HSPA12B: variants seen among roughly 807,000 people sequenced by gnomAD.
HSPA12B encodes the protein heat shock 70 kDa protein 12B.
HSPA12B carries 54 observed loss-of-function variants against 69.3 expected under a neutral mutation model. That is an observed-to-expected ratio of 0.78 (90% CI 0.63 to 0.98). HSPA12B has a LOEUF of 0.98. Among genes scored for constraint, HSPA12B ranks in the 50% least tolerant of loss-of-function variants. HSPA12B has a pLI of 0.00. For missense variants in HSPA12B, 929 were observed against 999.8 expected (o/e 0.93, Z 0.96); for synonymous variants, 441 against 436.5 (o/e 1.01, Z -0.13).
In HSPA12B at chr20:3,749,345, A is replaced by G; in HGVS notation, c.937+27A>G. ...TAGGGGGAAAGGGGGACGGAGTGTT[A>G]TCCTTGGCCCCTACCGGGCACCATA... On this transcript the variant is annotated intron_variant, in intron 9 of 12. Transcript: ENST00000254963. The surrounding 1 kb of genome is among the most constrained non-coding windows in gnomAD (Gnocchi z 5.5). 6.3e-7 allele frequency: 1 copy of G among 1,595,186 alleles called. No individual in the cohort carries two copies. The highest frequency in any genetic ancestry group is 8.6e-7 in the Non-Finnish European group (1 of 1,165,268).
chr20:3,745,476 C>T lies in HSPA12B; in HGVS notation c.454-17C>T. Reference sequence around the variant, plus strand: ...CAAGCTGAGGCCTCCTGCAGAGCCGCCCTGTGTCCCTGCCAGGATCTCACC... The same window carrying T: ...CAAGCTGAGGCCTCCTGCAGAGCCGTCCTGTGTCCCTGCCAGGATCTCACC... On this transcript the variant is annotated splice_polypyrimidine_tract_variant and intron_variant, in intron 5 of 12. Transcript: ENST00000254963. The surrounding 1 kb of genome is among the most constrained non-coding windows in gnomAD (Gnocchi z 5.6). The T allele has an allele frequency of 6.3e-7, 1 of 1,597,890 alleles. No individual in the cohort carries two copies. Among genetic ancestry groups the T allele is most frequent in the Non-Finnish European group, 8.6e-7 (1 of 1,165,280 alleles).
In HSPA12B at chr20:3,751,570, T is replaced by A; in HGVS notation, c.1465T>A (p.Phe489Ile). The part of the protein sequence containing the change: ...GVKLLFLVGG[F>I]AESAVLQHAV... Reference sequence around the variant, plus strand: ...GAAGCTGCTGTTCCTAGTGGGCGGCTTCGCCGAGTCAGCGGTGCTGCAGCA... The same window carrying A: ...GAAGCTGCTGTTCCTAGTGGGCGGCATCGCCGAGTCAGCGGTGCTGCAGCA... The change falls in exon 13 of 13, where the codon TTC becomes ATC. Residue 489 changes from phenylalanine to isoleucine, a missense_variant. This residue lies in a region of HSPA12B where 448 missense variants were observed against 448.1 expected (regional missense o/e 1.00). Transcript: ENST00000254963. 6.7e-7 allele frequency: 1 copy of A among 1,496,836 alleles called. No homozygotes were observed. The highest frequency in any genetic ancestry group is 8.9e-7 in the Non-Finnish European group (1 of 1,125,470). The allele number at this position is 1,496,836 out of a possible 1,614,324, so 92.7% of individuals were successfully genotyped here. A position where few individuals can be genotyped will look rare whatever the true frequency, so the allele number is the denominator to read the frequency against.
At chr20:3,739,241 T>A (rs970426961) in intron 2 of HSPA12B, among the ~76,000 whole-genome samples, 5 of 149,898 alleles carry the variant, frequency 3.3e-5, no homozygotes, top group Non-Finnish European at 7.4e-5. Flanking sequence ...TGTTTGAATG[T>A]CCATGTGTTT....
Position 3,749,835 on chromosome 20 carries a change from G to A in HSPA12B, c.1023G>A (p.Lys341=), listed in dbSNP as rs768384882. ...HQLEQPHGTL[K]ELYKASGGPY... Reference sequence around the variant, plus strand: ...TGGAGCAGCCCCATGGCACCCTCAAGGAGCTCTACAAGGCATCTGGTGAGT... The same window carrying A: ...TGGAGCAGCCCCATGGCACCCTCAAAGAGCTCTACAAGGCATCTGGTGAGT... The change falls in exon 10 of 13, where the codon AAG becomes AAA. Residue 341 remains lysine (K), a synonymous_variant. Coordinates refer to ENST00000254963, the MANE Select transcript of HSPA12B (RefSeq NM_052970.5). This position sits in a 1 kb window ranked among gnomAD's most constrained non-coding sequence, Gnocchi z 5.5. 58 of 1,608,340 alleles carry A rather than the reference G, an allele frequency of 3.6e-5. 3 individuals are homozygous for A. The Middle Eastern group carries it at 5.1e-4, about 14-fold the overall frequency.
At chr20:3,746,448 GC>G (rs2088307142) in intron 7 of HSPA12B, among the ~76,000 whole-genome samples, 1 of 151,880 alleles carries the variant, frequency 6.6e-6, no homozygotes, top group Admixed American at 6.6e-5. Context: ...GACTACAGGT[GC>G]CCGCCACCAC....
intron 1 of HSPA12B, among the ~76,000 whole-genome samples, chr20:3,734,298 C>T (rs914591812): frequency 2.0e-5 from 3 of 152,286 alleles, no homozygotes; most frequent in South Asian, 2.1e-4. Context: ...AGTGACTAAT[C>T]GGCCCTGCCT....
chr20:3,747,797 C>T (rs918077491), intron 7 of HSPA12B, among the ~76,000 whole-genome samples: 3 of 152,254 alleles, frequency 2.0e-5, no homozygotes, highest in South Asian at 4.1e-4. Flanking sequence ...TCCCCACCAC[C>T]TCCTCTGAGC....
intron 12 of HSPA12B, 56 bp from the exon 13 acceptor site, chr20:3,751,455 C>T (rs1479946564): frequency 1.5e-6 from 2 of 1,367,890 alleles, no homozygotes; most frequent in Non-Finnish European, 1.9e-6. Flanking sequence ...GGCTCTCTCT[C>T]CCCCGCCCCT....
intron 1 of HSPA12B, among the ~76,000 whole-genome samples, chr20:3,736,838 T>C (rs1481096593): frequency 6.6e-6 from 1 of 151,924 alleles, no homozygotes; most frequent in African/African-American, 2.4e-5. Flanking sequence ...GCCTGGCCAA[T>C]ATGGTGAAAC....
Position 3,737,322 on chromosome 20 carries a change from C to T in HSPA12B, c.-17-1336C>T, listed in dbSNP as rs1341922806. Among the ~76,000 whole-genome samples, 5 of 152,262 alleles carry T rather than the reference C, an allele frequency of 3.3e-5. 1 individual carries two copies. Among genetic ancestry groups the T allele is most frequent in the African/African-American group, 1.2e-4 (5 of 41,550 alleles). On this transcript the variant is annotated intron_variant, in intron 1 of 12. Coordinates refer to ENST00000254963, the MANE Select transcript of HSPA12B (RefSeq NM_052970.5). This position sits in a 1 kb window ranked among gnomAD's most constrained non-coding sequence, Gnocchi z 4.1. ...CTTAGAAAATAAATATTCTTCCTCACCTCCCTTCAGCTTTAGCGCCCTCCA... is the reference window on the plus strand; with the variant it reads ...CTTAGAAAATAAATATTCTTCCTCATCTCCCTTCAGCTTTAGCGCCCTCCA...
Position 3,744,758 on chromosome 20 carries a change from G to A in HSPA12B, c.267-144G>A, listed in dbSNP as rs984879354. 4.5e-6 allele frequency: 3 copies of A among 672,576 alleles called. No individual in the cohort carries two copies. In the African/African-American group the frequency reaches 5.4e-5, roughly 12 times the overall value. 41.7% of individuals were successfully genotyped at this position (672,576 alleles called of 1,614,324 possible). A position where few individuals can be genotyped will look rare whatever the true frequency, so the allele number is the denominator to read the frequency against. The stretch of plus-strand genomic sequence containing the variant: ...CATGATCTCACCTTAGCATTCTTGT[G>A]TTTTCTCCTGCTGCCTATGGAGCCG... On this transcript the variant is annotated intron_variant, in intron 4 of 12. Coordinates refer to ENST00000254963, the MANE Select transcript of HSPA12B (RefSeq NM_052970.5). This position sits in a 1 kb window ranked among gnomAD's most constrained non-coding sequence, Gnocchi z 4.9.
chr20:3,750,549 C>T (rs1040343759), intron 11 of HSPA12B: 10 of 537,512 alleles, frequency 1.9e-5, no homozygotes, highest in African/African-American at 4.1e-5. Context: ...TTTCCCTGCA[C>T]CAAAGCAAGG....
At chr20:3,748,091 A>C in intron 7 of HSPA12B, 126 bp from the exon 8 acceptor site, 1 of 871,246 alleles carries the variant, frequency 1.1e-6, no homozygotes, top group South Asian at 2.3e-5. Context: ...TGAGAGGCCT[A>C]ACATGGGTGG....
At chr20:3,734,162 T>C (rs2146548281) in intron 1 of HSPA12B, among the ~76,000 whole-genome samples, 1 of 152,276 alleles carries the variant, frequency 6.6e-6, no homozygotes, top group Admixed American at 6.5e-5. Flanking sequence ...AGCAAGACCC[T>C]GTCTCAAAAA....
intron 1 of HSPA12B, among the ~76,000 whole-genome samples, chr20:3,736,092 T>C (rs993143827): frequency 6.6e-6 from 1 of 152,174 alleles, no homozygotes; most frequent in African/African-American, 2.4e-5. Flanking sequence ...AAGCTACCAA[T>C]GTGATGTCAT....
At position 3,750,787 on chromosome 20, in the gene HSPA12B, C is replaced by T; in HGVS notation, c.1302-17C>T. 2 of 1,613,614 alleles carry T rather than the reference C, an allele frequency of 1.2e-6. No homozygotes were observed. Among genetic ancestry groups the T allele is most frequent in the Non-Finnish European group, 1.7e-6 (2 of 1,179,874 alleles). ...GGGCCCTGACCGATGGATATTTGCC[C>T]CTTTCACCACCAACAGCGTGAACTT... is the stretch of plus-strand genomic sequence containing the variant. On this transcript the variant is annotated splice_polypyrimidine_tract_variant and intron_variant, in intron 11 of 12. Coordinates refer to ENST00000254963, the MANE Select transcript of HSPA12B (RefSeq NM_052970.5).
chr20:3,741,570 T>G (rs1030108807), intron 3 of HSPA12B, among the ~76,000 whole-genome samples: 1 of 152,084 alleles, frequency 6.6e-6, no homozygotes, highest in East Asian at 1.9e-4. Context: ...GAAGCGGAGG[T>G]TGCAGTTAGC....
rs1434407656 is a variant in HSPA12B at position 3,732,698 on chromosome 20, C to A, written c.-114C>A. On this transcript the variant is annotated 5_prime_UTR_variant, in exon 1 of 13. Coordinates refer to ENST00000254963, the MANE Select transcript of HSPA12B (RefSeq NM_052970.5). ...GCGGGAGGCCTCAGGGCCGGGCGCACGTCGAGGGCTGCGGCCGCCGCAGCG... is the reference window on the plus strand; with the variant it reads ...GCGGGAGGCCTCAGGGCCGGGCGCAAGTCGAGGGCTGCGGCCGCCGCAGCG... 2.0e-5 allele frequency: 3 copies of A among 151,218 alleles called. No homozygotes were observed. Among genetic ancestry groups the A allele is most frequent in the Non-Finnish European group, 3.0e-5 (2 of 67,588 alleles). 9.4% of individuals were successfully genotyped at this position (151,218 alleles called of 1,614,324 possible).
intron 3 of HSPA12B, 48 bp from the exon 4 acceptor site, chr20:3,742,236 G>C (rs768810544): frequency 1.2e-6 from 2 of 1,603,054 alleles, no homozygotes; most frequent in South Asian, 2.2e-5. Context: ...GTGGGGGATG[G>C]GGGTGTCCCT....
Sources: gnomAD v4.1 joint callset for allele counts (sites outside exome capture counted in the v4.1 genomes callset) on GRCh38, gnomAD v4.1.1 for gene constraint, gnomAD v4.1.1 regional missense constraint, Gnocchi (gnomAD v3.1) non-coding constraint, MANE v1.5 for transcripts, NCBI Gene and HGNC (gene_info 2026-07-23, HGNC 2026-07-21) for gene names.